PTPA: variants seen among roughly 807,000 people sequenced by gnomAD.
PTPA encodes the protein protein phosphatase 2 phosphatase activator, also known as serine/threonine-protein phosphatase 2A activator.
In PTPA, 13 loss-of-function variants were observed where a neutral mutation model predicts 43.6. That is an observed-to-expected ratio of 0.30 (90% CI 0.19 to 0.47). PTPA has a LOEUF of 0.47. Ranked by LOEUF, PTPA falls within the 20% of genes least tolerant of loss-of-function variation. PTPA has a pLI of 0.99. For synonymous variants in PTPA, 172 were observed against 158.2 expected (o/e 1.09, Z -0.66); for missense variants, 329 against 411.9 (o/e 0.80, Z 1.74).
chr9:129,120,213 G>A (rs1051607196), intron 1 of PTPA, among the ~76,000 whole-genome samples: 9 of 151,812 alleles, frequency 5.9e-5, no homozygotes, highest in African/African-American at 1.9e-4. Flanking sequence ...AGCTGAGATC[G>A]CGCCACTGCA....
At chr9:129,143,745 G>A (rs549949131) in intron 9 of PTPA, 3 of 262,872 alleles carry the variant, frequency 1.1e-5, no homozygotes, top group South Asian at 5.9e-5. Context: ...AGGCCTGAGA[G>A]CCCGTTGGCT....
intron 1 of PTPA, among the ~76,000 whole-genome samples, chr9:129,112,732 G>A (rs999446823): frequency 6.6e-6 from 1 of 152,094 alleles, no homozygotes; most frequent in Non-Finnish European, 1.5e-5. Flanking sequence ...ACCTGAGGTC[G>A]GGAGTTCGAG....
chr9:129,124,499 A>AT lies in PTPA; in HGVS notation c.216+1371dup, dbSNP rs575281908. Among the ~76,000 whole-genome samples the AT allele has an allele frequency of 3.3e-3, 484 of 148,008 alleles. 2 individuals carry two copies. Among genetic ancestry groups the AT allele is most frequent in the African/African-American group, 0.01 (417 of 40,444 alleles). ...AAATGTGGAGTCAAAGGGCACATGCATTTTTTTTTTGCGTTTGGGTTCACA... is the reference window on the plus strand; with the variant it reads ...AAATGTGGAGTCAAAGGGCACATGCATTTTTTTTTTTGCGTTTGGGTTCACA... On this transcript the variant is annotated intron_variant, in intron 3 of 9. Coordinates refer to ENST00000393370, the MANE Select transcript of PTPA (RefSeq NM_178000.3).
At position 129,147,766 on chromosome 9, in the gene PTPA, C is replaced by T. The variant is rs937011145; in HGVS notation, c.*302C>T. Reference sequence around the variant, plus strand: ...TCCTGTTTCTGGCCTCTTCTCCCTTCACTCCCGTCCAGTCTGGTTTTGAGA... The same window carrying T: ...TCCTGTTTCTGGCCTCTTCTCCCTTTACTCCCGTCCAGTCTGGTTTTGAGA... On this transcript the variant is annotated 3_prime_UTR_variant, in exon 10 of 10. Coordinates refer to ENST00000393370, the MANE Select transcript of PTPA (RefSeq NM_178000.3). 7.8e-6 allele frequency: 3 copies of T among 386,460 alleles called. No homozygotes were observed. The highest frequency in any genetic ancestry group is 5.8e-5 in the East Asian group (1 of 17,144). 23.9% of individuals were successfully genotyped at this position (386,460 alleles called of 1,614,324 possible). A position where few individuals can be genotyped will look rare whatever the true frequency, so the allele number is the denominator to read the frequency against.
At chr9:129,147,193 C>G (rs956486570) in intron 9 of PTPA, among the ~76,000 whole-genome samples, 194 bp from the exon 10 acceptor site, 2 of 152,172 alleles carry the variant, frequency 1.3e-5, no homozygotes, top group African/African-American at 4.8e-5. Flanking sequence ...TTCTCTCTCT[C>G]GTGGGTCTCG....
chr9:129,114,437 CT>C (rs890419983), intron 1 of PTPA, among the ~76,000 whole-genome samples: 3 of 151,552 alleles, frequency 2.0e-5, no homozygotes, highest in Non-Finnish European at 2.9e-5. Flanking sequence ...TTTAAAATTT[CT>C]TTTTTTTTCC....
intron 8 of PTPA, chr9:129,137,996 G>T (rs1305145086): frequency 9.9e-6 from 4 of 403,896 alleles, no homozygotes; most frequent in Non-Finnish European, 1.9e-5. Flanking sequence ...GAAAGGGTCG[G>T]GGCGGGCGGA....
chr9:129,145,729 G>A (rs76887921), intron 9 of PTPA, among the ~76,000 whole-genome samples: 1,961 of 152,268 alleles, frequency 0.013, 51 homozygotes, highest in East Asian at 0.12. Flanking sequence ...CGGGGCGGCG[G>A]GGGGGAGGGT....
rs1409818492 is a variant in PTPA, at chr9:129,140,193, G to A, written c.787-2252G>A. ...TCAATATGGCTGCTCTGACTCACAC[G>A]ATTCCCCTGGGGTCACTGCGGGCTG... is the stretch of plus-strand genomic sequence containing the variant. On this transcript the variant is annotated intron_variant, in intron 8 of 9. Transcript: ENST00000393370. 2.6e-5 allele frequency: 4 copies of A among 152,492 alleles called. No homozygotes were observed. In the East Asian group the frequency reaches 7.7e-4, roughly 29 times the overall value. The allele number at this position is 152,492 out of a possible 1,614,324, so 9.4% of individuals were successfully genotyped here. A position where few individuals can be genotyped will look rare whatever the true frequency, so the allele number is the denominator to read the frequency against.
At chr9:129,120,313 A>C (rs1198860204) in intron 1 of PTPA, among the ~76,000 whole-genome samples, 200 bp from the exon 2 acceptor site, 1 of 151,630 alleles carries the variant, frequency 6.6e-6, no homozygotes, top group Middle Eastern at 3.2e-3. Flanking sequence ...AATCTCAGCT[A>C]CTCAGGAGAC....
intron 5 of PTPA, among the ~76,000 whole-genome samples, chr9:129,132,151 G>C (rs1048232427): frequency 6.6e-6 from 1 of 152,038 alleles, no homozygotes; most frequent in African/African-American, 2.4e-5. Context: ...TTTGAGGAGA[G>C]GGAGTGTGTG....
Position 129,128,981 on chromosome 9 carries a change from A to G in PTPA, c.217-4A>G. On this transcript the variant is annotated splice_polypyrimidine_tract_variant and splice_region_variant and intron_variant, in intron 3 of 9. Coordinates refer to ENST00000393370, the MANE Select transcript of PTPA (RefSeq NM_178000.3). The stretch of plus-strand genomic sequence containing the variant: ...GCTTGGACCCCTCTATTTTGCCTCC[A>G]CAGGCCATTGAGAAACTAGTCGCTC... 1 of 1,613,020 alleles carries G rather than the reference A, an allele frequency of 6.2e-7. No homozygotes were observed. Among genetic ancestry groups the G allele is most frequent in the East Asian group, 2.2e-5 (1 of 44,880 alleles).
Position 129,123,125 on chromosome 9 carries a change from A to G in PTPA, c.203A>G (p.Tyr68Cys). The G allele has an allele frequency of 6.2e-7, 1 of 1,609,872 alleles. No individual in the cohort carries two copies. Among genetic ancestry groups the G allele is most frequent in the Non-Finnish European group, 8.5e-7 (1 of 1,176,716 alleles). The change falls in exon 3 of 10, where the codon TAC (tyrosine) becomes TGC (cysteine). Residue 68 changes from tyrosine (Y) to cysteine (C), a missense_variant. Tyr to Cys is a radical substitution (Grantham distance 194). Coordinates refer to ENST00000393370, the MANE Select transcript of PTPA (RefSeq NM_178000.3). ...AAGGGGAAGAAGCTGACCTTCGAGT[A>G]CAGAGTCTCCGAGGTAGGCCCAAGG... is the stretch of plus-strand genomic sequence containing the variant. Reference protein sequence around the residue: ...GVKGKKLTFEYRVSEAIEKLV... With the variant: ...GVKGKKLTFECRVSEAIEKLV...
chr9:129,112,206 AAGG>A (rs985182278), intron 1 of PTPA, among the ~76,000 whole-genome samples: 35 of 152,314 alleles, frequency 2.3e-4, no homozygotes, highest in African/African-American at 7.9e-4. Context: ...CTGGTTGTGC[AAGG>A]AGGTTAGTCT....
At chr9:129,113,312 G>C (rs1458372488) in intron 1 of PTPA, among the ~76,000 whole-genome samples, 1 of 151,510 alleles carries the variant, frequency 6.6e-6, no homozygotes, top group Non-Finnish European at 1.5e-5. Flanking sequence ...GGCTGGTCTC[G>C]AACTCCTGAC....
intron 6 of PTPA, 39 bp from the exon 7 acceptor site, chr9:129,136,432 A>G: frequency 1.3e-6 from 2 of 1,580,630 alleles, no homozygotes; most frequent in Non-Finnish European, 1.7e-6. Context: ...CTGTCTTTTT[A>G]CTTTTTGCTA....
chr9:129,130,322 G>A (rs914993338), intron 4 of PTPA, among the ~76,000 whole-genome samples: 1 of 151,990 alleles, frequency 6.6e-6, no homozygotes, highest in African/African-American at 2.4e-5. Context: ...TTTTCACATA[G>A]AGCAGAGGGG....
At chr9:129,143,837 G>T (rs1851087979) in intron 9 of PTPA, among the ~76,000 whole-genome samples, 1 of 151,916 alleles carries the variant, frequency 6.6e-6, no homozygotes, top group Admixed American at 6.6e-5. Context: ...CTGCCCTCTG[G>T]TGTCCTGATG....
chr9:129,113,708 T>A (rs974975843), intron 1 of PTPA, among the ~76,000 whole-genome samples: 12 of 151,964 alleles, frequency 7.9e-5, no homozygotes, highest in Non-Finnish European at 1.5e-5. Context: ...AGGCGGAGGT[T>A]GCAGTGAGCC....
Sources: allele counts gnomAD v4.1 joint callset (sites outside exome capture counted in the v4.1 genomes callset), GRCh38; gene constraint gnomAD v4.1.1; transcripts MANE v1.5; gene names NCBI Gene and HGNC (gene_info 2026-07-23, HGNC 2026-07-21).